PLA1A: variants seen among roughly 807,000 people sequenced by gnomAD.
PLA1A encodes the protein phosphatidylserine-specific phospholipase A1alpha.
A neutral mutation model predicts 49.4 loss-of-function variants in PLA1A; 47 were observed. The observed-to-expected ratio is 0.95, with a 90% CI of 0.75 to 1.21. PLA1A has a LOEUF of 1.21. PLA1A is among the 50% of genes most tolerant of loss of function. The pLI is 0.00. For missense variants in PLA1A, 561 were observed against 563.9 expected (o/e 0.99, Z 0.05); for synonymous variants, 224 against 207.9 (o/e 1.08, Z -0.67).
At chr3:119,622,987 C>T (rs12639438) in intron 8 of PLA1A, among the ~76,000 whole-genome samples, 72,286 of 151,312 alleles carry the variant, frequency 0.48, 18,059 homozygotes, top group East Asian at 0.88. Flanking sequence ...CCACCACACC[C>T]TGCTAATTTT....
At chr3:119,624,426 G>A (rs377654830) in intron 8 of PLA1A, among the ~76,000 whole-genome samples, 23 of 152,112 alleles carry the variant, frequency 1.5e-4, no homozygotes, top group African/African-American at 5.5e-4. Context: ...AACTCGGAGG[G>A]GACACAAACA....
intron 8 of PLA1A, among the ~76,000 whole-genome samples, chr3:119,623,969 C>T (rs1351915760): frequency 1.3e-5 from 2 of 152,066 alleles, no homozygotes; most frequent in African/African-American, 4.8e-5. Context: ...AGGTGATCCA[C>T]CCGCCTTGGC....
At chr3:119,617,506 G>T (rs1394701990) in intron 6 of PLA1A, among the ~76,000 whole-genome samples, 1 of 152,082 alleles carries the variant, frequency 6.6e-6, no homozygotes. Context: ...ACTCTCGGAG[G>T]TTGAGGCAGG....
intron 4 of PLA1A, among the ~76,000 whole-genome samples, chr3:119,611,949 C>T (rs1432105557): frequency 6.6e-6 from 1 of 152,152 alleles, no homozygotes; most frequent in Non-Finnish European, 1.5e-5. Flanking sequence ...TCTCCTTGGC[C>T]CACTGTGGAA....
chr3:119,618,015 T>C lies in PLA1A; in HGVS notation c.755-4T>C. On this transcript the variant is annotated splice_region_variant and splice_polypyrimidine_tract_variant and intron_variant, in intron 6 of 10. Transcript: ENST00000273371. The stretch of plus-strand genomic sequence containing the variant: ...AACCTTGGTTGTGTTTTTTCTCTGT[T>C]CAGGTTATAGTTATCTGATCTGTGA... 6.3e-7 allele frequency: 1 copy of C among 1,599,538 alleles called. No individual in the cohort carries two copies. The highest frequency in any genetic ancestry group is 1.1e-5 in the South Asian group (1 of 88,418).
intron 8 of PLA1A, among the ~76,000 whole-genome samples, chr3:119,624,425 G>A (rs2082987845): frequency 6.6e-6 from 1 of 152,116 alleles, no homozygotes; most frequent in Non-Finnish European, 1.5e-5. Flanking sequence ...GAACTCGGAG[G>A]GGACACAAAC....
chr3:119,627,840 T>C (rs1408952514), intron 9 of PLA1A, among the ~76,000 whole-genome samples: 2 of 152,214 alleles, frequency 1.3e-5, no homozygotes, highest in African/African-American at 4.8e-5. Flanking sequence ...GCGTGAAGAC[T>C]TTCCTCATTG....
chr3:119,608,352 G>T (rs903427074), intron 2 of PLA1A, among the ~76,000 whole-genome samples: 1 of 152,062 alleles, frequency 6.6e-6, no homozygotes, highest in South Asian at 2.1e-4. Flanking sequence ...AATTAAGATC[G>T]CAAATCTTAA....
intron 4 of PLA1A, among the ~76,000 whole-genome samples, chr3:119,611,762 C>T (rs904938845): frequency 6.6e-6 from 1 of 152,100 alleles, no homozygotes; most frequent in African/African-American, 2.4e-5. Context: ...TTTGGTCAAA[C>T]CTTTAGGGTG....
chr3:119,597,954 G>T lies in PLA1A; in HGVS notation c.41G>T (p.Gly14Val). The T allele has an allele frequency of 1.2e-6, 2 of 1,610,496 alleles. No homozygotes were observed. The highest frequency in any genetic ancestry group is 2.2e-5 in the South Asian group (2 of 89,956). The change falls in exon 1 of 11, where the codon GGC becomes GTC. Residue 14 changes from glycine (G) to valine (V), a missense_variant. Gly to Val is a moderately radical substitution (Grantham distance 109, BLOSUM62 -3). Transcript: ENST00000273371. ...TGGGAGAGCTGCTTCTGGGTGGGGG[G>T]CCTCATTTTGTGGCTCAGCGTTGGA... is the stretch of plus-strand genomic sequence containing the variant. ...GPWESCFWVGGLILWLSVGSS... is the reference protein window; with the variant it reads ...GPWESCFWVGVLILWLSVGSS...
chr3:119,605,476 T>C (rs1257079123), intron 1 of PLA1A, among the ~76,000 whole-genome samples: 1 of 152,242 alleles, frequency 6.6e-6, no homozygotes, highest in Non-Finnish European at 1.5e-5. Context: ...TTACCTCTGA[T>C]AGAAGATAAT....
In PLA1A at chr3:119,609,455, C is replaced by T. The variant is rs745630167; in HGVS notation, c.454-13C>T. 3 of 1,545,638 alleles carry T rather than the reference C, an allele frequency of 1.9e-6. No individual in the cohort carries two copies. The highest frequency in any genetic ancestry group is 2.2e-5 in the South Asian group (2 of 89,678). ...TGTGGCCCACGGGGAACTCACTGTT[C>T]CTGCTCTTCTAGGTGCTGGGTGTGT... On this transcript the variant is annotated splice_polypyrimidine_tract_variant and intron_variant, in intron 3 of 10. Coordinates refer to ENST00000273371, the MANE Select transcript of PLA1A (RefSeq NM_015900.4).
Position 119,599,519 on chromosome 3 carries a change from G to A in PLA1A, c.73+1533G>A, listed in dbSNP as rs1018615510. On this transcript the variant is annotated intron_variant, in intron 1 of 10. Coordinates refer to ENST00000273371, the MANE Select transcript of PLA1A (RefSeq NM_015900.4). ...TGATTTGAAGGTTGAGGAGTGGGAG[G>A]ACTATAGCAAATTGGCATCAAACTC... Among the ~76,000 whole-genome samples the A allele has an allele frequency of 3.9e-5, 6 of 152,198 alleles. No homozygotes were observed. In the South Asian group the frequency reaches 1.2e-3, roughly 32 times the overall value.
chr3:119,620,692 C>G (rs1430588278), intron 8 of PLA1A, among the ~76,000 whole-genome samples: 2 of 152,214 alleles, frequency 1.3e-5, no homozygotes, highest in East Asian at 3.8e-4. Context: ...TTCCCTTAGT[C>G]AATCAGAGAA....
chr3:119,626,900 A>G (rs182391800), intron 9 of PLA1A, among the ~76,000 whole-genome samples: 3 of 152,314 alleles, frequency 2.0e-5, no homozygotes, highest in African/African-American at 7.2e-5. Context: ...GACCCGCTCA[A>G]GGTTGTGCTA....
rs1210959204 is a variant in PLA1A, at chr3:119,628,875, A to G, written c.1286+10A>G. On this transcript the variant is annotated intron_variant, in intron 10 of 10. Coordinates refer to ENST00000273371, the MANE Select transcript of PLA1A (RefSeq NM_015900.4). ...TGCCTGTCAATGACAGGTAAGCCCC[A>G]GTATTCACCTCTGCACCAGATGCAC... 1 of 1,610,356 alleles carries G rather than the reference A, an allele frequency of 6.2e-7. No homozygotes were observed.
At chr3:119,620,559 T>A (rs1393434458) in intron 8 of PLA1A, among the ~76,000 whole-genome samples, 1 of 152,166 alleles carries the variant, frequency 6.6e-6, no homozygotes, top group Non-Finnish European at 1.5e-5. Context: ...GAACTCTATA[T>A]CCTTATGTGA....
At chr3:119,614,530 C>T (rs965649506) in intron 5 of PLA1A, among the ~76,000 whole-genome samples, 2 of 148,596 alleles carry the variant, frequency 1.3e-5, no homozygotes, top group African/African-American at 5.0e-5. Flanking sequence ...GCCCTGAACC[C>T]AGGAGGCAGA....
intron 8 of PLA1A, among the ~76,000 whole-genome samples, chr3:119,623,553 C>T (rs1309979703): frequency 6.6e-6 from 1 of 152,132 alleles, no homozygotes; most frequent in Admixed American, 6.5e-5. Context: ...ACTTTGAGAG[C>T]TCCAGTGTCC....
Sources: allele counts gnomAD v4.1 joint callset (sites outside exome capture counted in the v4.1 genomes callset), GRCh38; gene constraint gnomAD v4.1.1; transcripts MANE v1.5; gene names NCBI Gene and HGNC (gene_info 2026-07-23, HGNC 2026-07-21).